ASCC2: variants seen among roughly 807,000 people sequenced by gnomAD.
The protein encoded by ASCC2 is ASC-1 complex subunit P100.
Under a neutral mutation model 93.5 loss-of-function variants are expected in ASCC2, and 42 were observed. The observed-to-expected ratio is 0.45, with a 90% CI of 0.35 to 0.58. ASCC2 has a LOEUF of 0.58. Among genes scored for constraint, ASCC2 ranks in the 20% least tolerant of loss-of-function variants. The pLI, the probability that ASCC2 is intolerant of heterozygous loss-of-function variation, is 0.00. For synonymous variants in ASCC2, 364 were observed against 384.2 expected (o/e 0.95, Z 0.62); for missense variants, 859 against 977.6 (o/e 0.88, Z 1.62).
intron 5 of ASCC2, among the ~76,000 whole-genome samples, chr22:29,816,347 G>A (rs776721548): frequency 6.6e-6 from 1 of 152,062 alleles, no homozygotes; most frequent in Non-Finnish European, 1.5e-5. Flanking sequence ...TAAAAGACCC[G>A]CCCTGGTCAA....
chr22:29,799,702 G>C (rs1397390708), intron 15 of ASCC2, among the ~76,000 whole-genome samples: 1 of 152,202 alleles, frequency 6.6e-6, no homozygotes, highest in African/African-American at 2.4e-5. Flanking sequence ...TTATTTTGCT[G>C]TTCTCTACTT....
At chr22:29,790,405 G>A in intron 19 of ASCC2, 64 bp downstream of exon 19, 1 of 1,562,386 alleles carries the variant, frequency 6.4e-7, no homozygotes, top group South Asian at 1.1e-5. Context: ...TTCCTGGGTG[G>A]CTGGCTAGGC....
At chr22:29,814,562 G>A in intron 7 of ASCC2, 95 bp downstream of exon 7, 1 of 1,011,552 alleles carries the variant, frequency 9.9e-7, no homozygotes, top group Non-Finnish European at 1.4e-6. Context: ...AGGCCACTGG[G>A]TCCTCTACTG....
intron 5 of ASCC2, among the ~76,000 whole-genome samples, chr22:29,821,293 C>G (rs2061527312): frequency 1.3e-5 from 2 of 152,192 alleles, no homozygotes; most frequent in South Asian, 2.1e-4. Flanking sequence ...CAGAAGAGCC[C>G]TCTCTGAACT....
chr22:29,789,709 A>G (rs2068692357), intron 19 of ASCC2, among the ~76,000 whole-genome samples: 1 of 152,212 alleles, frequency 6.6e-6, no homozygotes, highest in Non-Finnish European at 1.5e-5. Context: ...TCCCTGCTCA[A>G]CAACCTTCTG....
intron 1 of ASCC2, chr22:29,834,427 T>C: frequency 2.2e-6 from 1 of 464,800 alleles, no homozygotes; most frequent in Non-Finnish European, 4.5e-6. Flanking sequence ...TTATAAAGAC[T>C]GTGAAGATCC....
At chr22:29,835,914 G>A (rs1213263535) in intron 1 of ASCC2, among the ~76,000 whole-genome samples, 1 of 152,120 alleles carries the variant, frequency 6.6e-6, no homozygotes, top group Admixed American at 6.6e-5. Flanking sequence ...TACAAAGAAG[G>A]TGATCTATAA....
At chr22:29,821,934 A>G in intron 5 of ASCC2, 1 of 451,610 alleles carries the variant, frequency 2.2e-6, no homozygotes, top group Admixed American at 2.4e-5. Flanking sequence ...AGGAATGTGA[A>G]GCTGCAGTGA....
At chr22:29,792,706 G>C (rs1290126550) in intron 17 of ASCC2, among the ~76,000 whole-genome samples, 171 bp from the exon 18 acceptor site, 1 of 152,132 alleles carries the variant, frequency 6.6e-6, no homozygotes, top group Non-Finnish European at 1.5e-5. Context: ...ATTCTCTGAG[G>C]TTACCAGAAT....
chr22:29,790,353 A>T, intron 19 of ASCC2, 116 bp downstream of exon 19: 1 of 1,005,728 alleles, frequency 9.9e-7, no homozygotes, highest in Non-Finnish European at 1.5e-6. Flanking sequence ...GGTTGTCGTG[A>T]GAACTAAATA....
chr22:29,789,222 G>A, intron 19 of ASCC2, 38 bp from the exon 20 acceptor site: 1 of 1,612,648 alleles, frequency 6.2e-7, no homozygotes, highest in Non-Finnish European at 8.5e-7. Context: ...GAACCTGTCA[G>A]CCGGAAGAGG....
intron 15 of ASCC2, among the ~76,000 whole-genome samples, chr22:29,795,507 T>C (rs2058323793): frequency 6.6e-6 from 1 of 152,284 alleles, no homozygotes; most frequent in Middle Eastern, 3.4e-3. Context: ...AAGGGAGCCA[T>C]AGGGATATCT....
chr22:29,829,941 A>G (rs1485983666), intron 2 of ASCC2, among the ~76,000 whole-genome samples: 1 of 152,168 alleles, frequency 6.6e-6, no homozygotes, highest in Non-Finnish European at 1.5e-5. Flanking sequence ...GCTAGAGATC[A>G]TGCCCCAAGC....
In ASCC2 at chr22:29,825,191, C is replaced by T. The variant is rs757660003; in HGVS notation, c.307G>A (p.Asp103Asn). 9.0e-6 allele frequency: 14 copies of T among 1,563,226 alleles called. No homozygotes were observed. The highest frequency in any genetic ancestry group is 8.3e-5 in the African/African-American group (6 of 72,438). Residue 103 changes from aspartate to asparagine, a missense_variant, in exon 4 of 20, where the codon GAC becomes AAC. Physicochemically the swap from Asp to Asn is conservative, Grantham distance 23. Transcript: ENST00000307790. The surrounding 1 kb of genome is among the most constrained non-coding windows in gnomAD (Gnocchi z 4.9). The part of the protein sequence containing the change: ...SYLRYVPRKF[D>N]EGVASAPEVV... ...TCAGGGGCTGAGGCCACCCCCTCGT[C>T]GAATTTGCGGGGGACATAGCGCAGG...
intron 18 of ASCC2, among the ~76,000 whole-genome samples, chr22:29,791,483 C>A (rs1390777600): frequency 6.6e-6 from 1 of 152,162 alleles, no homozygotes; most frequent in Non-Finnish European, 1.5e-5. Flanking sequence ...AGTTGGAGAC[C>A]AGCCTGGCCA....
intron 15 of ASCC2, among the ~76,000 whole-genome samples, chr22:29,796,796 A>G (rs1267722723): frequency 4.6e-5 from 7 of 152,200 alleles, no homozygotes; most frequent in Non-Finnish European, 8.8e-5. Flanking sequence ...CTAAGGGCCT[A>G]ATAGGTTCCA....
At chr22:29,810,735 ATT>A (rs767387998) in intron 8 of ASCC2, among the ~76,000 whole-genome samples, 5 of 145,008 alleles carry the variant, frequency 3.4e-5, no homozygotes, top group Admixed American at 1.4e-4. Context: ...ATTCTTTGTA[ATT>A]TTTTTTTTTT....
intron 15 of ASCC2, among the ~76,000 whole-genome samples, chr22:29,797,533 C>T (rs1166162937): frequency 6.6e-6 from 1 of 152,216 alleles, no homozygotes; most frequent in African/African-American, 2.4e-5. Context: ...ACTTCCTGGG[C>T]TGTGTGACCA....
chr22:29,795,786 C>T (rs916414955), intron 15 of ASCC2, among the ~76,000 whole-genome samples: 1 of 152,330 alleles, frequency 6.6e-6, no homozygotes, highest in South Asian at 2.1e-4. Context: ...TGTGAAAAAA[C>T]CTGGCTTGTC....
Sources: allele counts gnomAD v4.1 joint callset (sites outside exome capture counted in the v4.1 genomes callset), GRCh38; gene constraint gnomAD v4.1.1; non-coding constraint Gnocchi (gnomAD v3.1); transcripts MANE v1.5; gene names NCBI Gene and HGNC (gene_info 2026-07-23, HGNC 2026-07-21).